The following ZSWIM9 variants were observed in gnomAD, a reference collection of about 807,000 sequenced individuals.
The protein encoded by ZSWIM9 is zinc finger SWIM-type containing 9, also known as uncharacterized protein ZSWIM9.
In ZSWIM9, 11 loss-of-function variants were observed where a neutral mutation model predicts 25.0. The observed-to-expected ratio is 0.44, with a 90% confidence interval of 0.28 to 0.73. ZSWIM9 has a LOEUF of 0.73. Ranked by LOEUF, ZSWIM9 falls within the 30% of genes least tolerant of loss-of-function variation. The pLI, the probability that ZSWIM9 is intolerant of heterozygous loss-of-function variation, is 0.16. For synonymous variants in ZSWIM9, 562 were observed against 582.1 expected (o/e 0.97, Z 0.50); for missense variants, 1,070 against 1,296.5 (o/e 0.83, Z 2.68).
chr19:48,191,359 C>T (rs998783827), intron 3 of ZSWIM9, among the ~76,000 whole-genome samples: 1 of 152,044 alleles, frequency 6.6e-6, no homozygotes, highest in Non-Finnish European at 1.5e-5. Context: ...CGCGCACCAC[C>T]ACGCCCAGCT....
In ZSWIM9 at chr19:48,171,781, C is replaced by T. The variant is rs1362728712; in HGVS notation, c.-9-13C>T. On this transcript the variant is annotated splice_polypyrimidine_tract_variant and intron_variant, in intron 1 of 3. Transcript: ENST00000614654. ...GGGTCTGATATCCACCTGTTCTCCC[C>T]TCCTCCACGCAGGCCCCCAGGATGG... 4 of 1,523,352 alleles carry T rather than the reference C, an allele frequency of 2.6e-6. No individual in the cohort carries two copies. The highest frequency in any genetic ancestry group is 2.5e-5 in the East Asian group (1 of 40,730). 94.4% of individuals were successfully genotyped at this position (1,523,352 alleles called of 1,614,324 possible). A position where few individuals can be genotyped will look rare whatever the true frequency, so the allele number is the denominator to read the frequency against.
intron 2 of ZSWIM9, among the ~76,000 whole-genome samples, chr19:48,175,627 T>G (rs189282286): frequency 2.6e-5 from 4 of 151,956 alleles, no homozygotes; most frequent in Non-Finnish European, 5.9e-5. Flanking sequence ...TGGGGCCGTG[T>G]GGGAGACGAT....
rs78092166 is a variant in ZSWIM9, at chr19:48,192,230, A to G, written c.589-2423A>G. Among the ~76,000 whole-genome samples, 256 of 151,524 alleles carry G rather than the reference A, an allele frequency of 1.7e-3. 1 individual carries two copies. Among genetic ancestry groups the G allele is most frequent in the African/African-American group, 5.8e-3 (240 of 41,260 alleles). Reference sequence around the variant, plus strand: ...GGCACATCATATTTTCTCAGTAAATATCTGGCAGAAAAATGTATTCATCAG... The same window carrying G: ...GGCACATCATATTTTCTCAGTAAATGTCTGGCAGAAAAATGTATTCATCAG... On this transcript the variant is annotated intron_variant, in intron 3 of 3. Coordinates refer to ENST00000614654, the MANE Select transcript of ZSWIM9 (RefSeq NM_199341.4).
Position 48,182,510 on chromosome 19 carries a change from G to C in ZSWIM9, c.331G>C (p.Asp111His). 1 of 1,535,840 alleles carries C rather than the reference G, an allele frequency of 6.5e-7. No homozygotes were observed. Among genetic ancestry groups the C allele is most frequent in the Non-Finnish European group, 8.7e-7 (1 of 1,146,712 alleles). The change falls in exon 3 of 4, where the codon GAC (aspartate) becomes CAC (histidine). Residue 111 changes from aspartate (D) to histidine (H), a missense_variant. Asp to His is a moderately conservative substitution (Grantham distance 81, BLOSUM62 -1). This residue lies in a region of ZSWIM9 where 265 missense variants were observed against 339.0 expected (regional missense o/e 0.78). Transcript: ENST00000614654. The surrounding 1 kb of genome is among the most constrained non-coding windows in gnomAD (Gnocchi z 4.6). ...CATCGTCAAGCTGAGCCCGCTGCGG[G>C]ACCGCCTCGTGGTGACGGAGTGCCA... ...FIIVKLSPLR[D>H]RLVVTECQLT...
chr19:48,193,882 A>C (rs1382742116), intron 3 of ZSWIM9, among the ~76,000 whole-genome samples: 2 of 152,216 alleles, frequency 1.3e-5, no homozygotes, highest in African/African-American at 4.8e-5. Flanking sequence ...GGCAGAAGGC[A>C]CACAGCCAGG....
At chr19:48,172,700 G>C (rs1215321571) in intron 2 of ZSWIM9, among the ~76,000 whole-genome samples, 1 of 152,060 alleles carries the variant, frequency 6.6e-6, no homozygotes, top group East Asian at 1.9e-4. Context: ...GATTTTTGTA[G>C]AGATGGGGTT....
At chr19:48,180,289 T>C (rs1473834198) in intron 2 of ZSWIM9, among the ~76,000 whole-genome samples, 1 of 151,632 alleles carries the variant, frequency 6.6e-6, no homozygotes, top group Non-Finnish European at 1.5e-5. Flanking sequence ...GTTCTGGGAT[T>C]ACAGGCATGA....
intron 2 of ZSWIM9, chr19:48,181,002 G>T (rs2036943099): frequency 6.6e-6 from 1 of 151,062 alleles, no homozygotes; most frequent in Non-Finnish European, 1.5e-5. Flanking sequence ...GGCCAGGCTG[G>T]TCTCAAACTC....
Position 48,195,612 on chromosome 19 carries a change from G to A in ZSWIM9, c.1548G>A (p.Arg516=). 7.0e-7 allele frequency: 1 copy of A among 1,423,812 alleles called. No homozygotes were observed. The highest frequency in any genetic ancestry group is 9.1e-7 in the Non-Finnish European group (1 of 1,094,606). 88.2% of individuals were successfully genotyped at this position (1,423,812 alleles called of 1,614,324 possible). A position where few individuals can be genotyped will look rare whatever the true frequency, so the allele number is the denominator to read the frequency against. The part of the protein sequence containing the change: ...GGAQFEGEKG[R]ALQIRDWRGG... ...CTCAGTTCGAAGGTGAGAAGGGGAG[G>A]GCACTGCAGATCAGAGATTGGAGAG... Residue 516 remains arginine, a synonymous_variant, in exon 4 of 4, where the codon AGG becomes AGA. Transcript: ENST00000614654. The surrounding 1 kb of genome is among the most constrained non-coding windows in gnomAD (Gnocchi z 5.8).
rs1009955920 is a variant in ZSWIM9 at position 48,197,430 on chromosome 19, G to A, written c.*603G>A. The A allele has an allele frequency of 1.1e-5, 7 of 622,660 alleles. No individual in the cohort carries two copies. The highest frequency in any genetic ancestry group is 1.7e-5 in the Non-Finnish European group (6 of 348,720). The allele number at this position is 622,660 out of a possible 1,614,324, so 38.6% of individuals were successfully genotyped here. A position where few individuals can be genotyped will look rare whatever the true frequency, so the allele number is the denominator to read the frequency against. ...CGGAGATGAGACAAAAGAAATGTGT[G>A]GGAGACGGGTAGAGACGAAATGCAA... On this transcript the variant is annotated 3_prime_UTR_variant, in exon 4 of 4. Coordinates refer to ENST00000614654, the MANE Select transcript of ZSWIM9 (RefSeq NM_199341.4).
At chr19:48,173,139 T>A (rs991515299) in intron 2 of ZSWIM9, among the ~76,000 whole-genome samples, 2 of 152,168 alleles carry the variant, frequency 1.3e-5, no homozygotes, top group African/African-American at 4.8e-5. Context: ...ATCCCTGCCC[T>A]TCTGGTACTT....
At chr19:48,190,452 A>T (rs1302217599) in intron 3 of ZSWIM9, 1 of 154,818 alleles carries the variant, frequency 6.5e-6, no homozygotes, top group African/African-American at 2.4e-5. Flanking sequence ...TATCTGAGTC[A>T]TTCTGGGACC....
intron 2 of ZSWIM9, among the ~76,000 whole-genome samples, chr19:48,173,126 A>G (rs1215163214): frequency 6.6e-6 from 1 of 152,172 alleles, no homozygotes; most frequent in African/African-American, 2.4e-5. Flanking sequence ...GCAAGAGACA[A>G]AAATCCCTGC....
At chr19:48,190,636 G>A (rs375080553) in intron 3 of ZSWIM9, 1 of 154,818 alleles carries the variant, frequency 6.5e-6, no homozygotes, top group South Asian at 2.0e-4. Context: ...GCTACTAAGT[G>A]CCCGGGAGAG....
At chr19:48,183,309 A>G (rs2036974887) in intron 3 of ZSWIM9, among the ~76,000 whole-genome samples, 1 of 151,846 alleles carries the variant, frequency 6.6e-6, no homozygotes, top group South Asian at 2.1e-4. Flanking sequence ...TTGTATTTTT[A>G]GTAGAGACGG....
Position 48,194,651 on chromosome 19 carries a change from A to C in ZSWIM9, c.589-2A>C. The C allele has an allele frequency of 1.4e-6, 2 of 1,436,150 alleles. No individual in the cohort carries two copies. Among genetic ancestry groups the C allele is most frequent in the East Asian group, 5.8e-5 (2 of 34,708 alleles). 89.0% of individuals were successfully genotyped at this position (1,436,150 alleles called of 1,614,324 possible). ...TCCTTGCCTCCCTGCCCCCGCCCGC[A>C]GGTGAAGCTGGTGTTCGTGGAGGAC... On this transcript the variant is annotated splice_acceptor_variant, in intron 3 of 3. Coordinates refer to ENST00000614654, the MANE Select transcript of ZSWIM9 (RefSeq NM_199341.4). LOFTEE classifies it high-confidence loss of function. This position sits in a 1 kb window ranked among gnomAD's most constrained non-coding sequence, Gnocchi z 6.0.
rs1365063457 is a variant in ZSWIM9 at position 48,194,790 on chromosome 19, T to G, written c.726T>G (p.Asp242Glu). The G allele has an allele frequency of 3.9e-6, 6 of 1,531,164 alleles. No homozygotes were observed. In the South Asian group the frequency reaches 7.2e-5, roughly 18 times the overall value. 94.8% of individuals were successfully genotyped at this position (1,531,164 alleles called of 1,614,324 possible). ...DRLPGLQGAL[D>E]LLAVLCVDGS... ...TGCCGGGGCTGCAGGGCGCGCTGGA[T>G]CTGCTGGCCGTGCTGTGCGTGGACG... The change falls in exon 4 of 4, where the codon GAT (aspartate) becomes GAG (glutamate). Residue 242 changes from aspartate (D) to glutamate (E), a missense_variant. Physicochemically the swap from Asp to Glu is conservative, Grantham distance 45. Around this residue, in one of 4 missense-constraint regions of ZSWIM9, gnomAD observed 38 missense variants for 89.7 expected, o/e 0.42. Transcript: ENST00000614654. This position sits in a 1 kb window ranked among gnomAD's most constrained non-coding sequence, Gnocchi z 6.0.
chr19:48,187,307 T>C (rs2037023878), intron 3 of ZSWIM9, among the ~76,000 whole-genome samples: 1 of 142,326 alleles, frequency 7.0e-6, no homozygotes. Flanking sequence ...TCACCTTTTT[T>C]TCACTTATAA....
At position 48,182,337 on chromosome 19, in the gene ZSWIM9, C is replaced by G. The variant is rs549778476; in HGVS notation, c.276-118C>G. On this transcript the variant is annotated intron_variant, in intron 2 of 3. Transcript: ENST00000614654. This position sits in a 1 kb window ranked among gnomAD's most constrained non-coding sequence, Gnocchi z 4.6. ...ACACAGCTGGCATATTCTTAGGGCCCTCTACTCTTCTCTATGCCTGAAACA... is the reference window on the plus strand; with the variant it reads ...ACACAGCTGGCATATTCTTAGGGCCGTCTACTCTTCTCTATGCCTGAAACA... 2 of 858,770 alleles carry G rather than the reference C, an allele frequency of 2.3e-6. No homozygotes were observed. Among genetic ancestry groups the G allele is most frequent in the Admixed American group, 5.7e-5 (2 of 34,866 alleles). The allele number at this position is 858,770 out of a possible 1,614,324, so 53.2% of individuals were successfully genotyped here.
Sources: gnomAD v4.1 joint callset for allele counts (sites outside exome capture counted in the v4.1 genomes callset) on GRCh38, gnomAD v4.1.1 for gene constraint, gnomAD v4.1.1 regional missense constraint, Gnocchi (gnomAD v3.1) non-coding constraint, MANE v1.5 for transcripts, NCBI Gene and HGNC (gene_info 2026-07-23, HGNC 2026-07-21) for gene names.